The following ACTL6B variants were observed in gnomAD, a reference collection of about 807,000 sequenced individuals.
ACTL6B encodes the protein actin-like protein 6B.
In ACTL6B, 48 loss-of-function variants were observed where a neutral mutation model predicts 63.3. The ratio of observed to expected loss-of-function variants is 0.76; its 90% CI spans 0.60 to 0.96. ACTL6B has a LOEUF of 0.96. ACTL6B is among the 50% of genes least tolerant of loss of function. The pLI, the probability that ACTL6B is intolerant of heterozygous loss-of-function variation, is 0.00. For missense variants in ACTL6B, 350 were observed against 572.2 expected, an observed-to-expected ratio of 0.61 and a Z score of 3.96; for synonymous variants, 230 against 223.8, an observed-to-expected ratio of 1.03 and a Z score of -0.25.
chr7:100,653,686 AAACAACAAC>A (rs539842177), intron 4 of ACTL6B, among the ~76,000 whole-genome samples: 1 of 151,888 alleles, frequency 6.6e-6, no homozygotes, highest in African/African-American at 2.4e-5. Flanking sequence ...ACAAAACCCC[AAACAACAAC>A]AACAACAACA....
chr7:100,643,546 T>C (rs1409959542), intron 13 of ACTL6B, among the ~76,000 whole-genome samples: 2 of 152,220 alleles, frequency 1.3e-5, no homozygotes, highest in Non-Finnish European at 2.9e-5. Context: ...ATTCATTCAT[T>C]CAACAAGTAT....
At chr7:100,649,002 T>A (rs1317252551) in intron 5 of ACTL6B, among the ~76,000 whole-genome samples, 179 bp from the exon 6 acceptor site, 1 of 151,570 alleles carries the variant, frequency 6.6e-6, no homozygotes, top group Non-Finnish European at 1.5e-5. Context: ...TACTTCTTTT[T>A]TTTTTTTTTT....
chr7:100,648,708 C>G lies in ACTL6B; in HGVS notation c.562+21G>C. 1 of 1,613,888 alleles carries G rather than the reference C, an allele frequency of 6.2e-7. No individual in the cohort carries two copies. Among genetic ancestry groups the G allele is most frequent in the Non-Finnish European group, 8.5e-7 (1 of 1,179,926 alleles). The stretch of plus-strand genomic sequence containing the variant: ...GGACCTGGTCCTCCTGGAGCACCCC[C>G]ACCCCCTGCCGAAGCCCCACCTTGC... On this transcript the variant is annotated intron_variant, in intron 6 of 13. Transcript: ENST00000160382. The surrounding 1 kb of genome is among the most constrained non-coding windows in gnomAD (Gnocchi z 4.4).
Position 100,655,709 on chromosome 7 carries a change from GCTT to G in ACTL6B, c.102+91_102+93del. On this transcript the variant is annotated intron_variant, in intron 2 of 13. Coordinates refer to ENST00000160382, the MANE Select transcript of ACTL6B (RefSeq NM_016188.5). This position sits in a 1 kb window ranked among gnomAD's most constrained non-coding sequence, Gnocchi z 4.4. ...TATTCCCATATTCCCGCTCAGCAGA[GCTT>G]CTGGGCGATCTGGGAGAGCCCTGGG... 1.3e-6 allele frequency: 2 copies of G among 1,511,702 alleles called. No individual in the cohort carries two copies. The highest frequency in any genetic ancestry group is 1.8e-6 in the Non-Finnish European group (2 of 1,123,908). 93.6% of individuals were successfully genotyped at this position (1,511,702 alleles called of 1,614,324 possible).
At chr7:100,643,888 T>C (rs1053637855) in intron 13 of ACTL6B, among the ~76,000 whole-genome samples, 1 of 152,100 alleles carries the variant, frequency 6.6e-6, no homozygotes, top group African/African-American at 2.4e-5. Flanking sequence ...ATTTTAATTT[T>C]AATTATTTTT....
At chr7:100,650,242 C>T in intron 4 of ACTL6B, 107 bp from the exon 5 acceptor site, 1 of 846,858 alleles carries the variant, frequency 1.2e-6, no homozygotes, top group South Asian at 1.5e-5. Flanking sequence ...GTCACACACA[C>T]ACATCCAAAC....
chr7:100,655,997 C>T lies in ACTL6B; in HGVS notation c.26-118G>A. ...GCCACTTTCAACACCAGTCTGGGGC[C>T]GGTGGGAGCTGGGCCTGGAGTCCGA... On this transcript the variant is annotated intron_variant, in intron 1 of 13. Coordinates refer to ENST00000160382, the MANE Select transcript of ACTL6B (RefSeq NM_016188.5). This position sits in a 1 kb window ranked among gnomAD's most constrained non-coding sequence, Gnocchi z 4.4. 1 of 1,068,222 alleles carries T rather than the reference C, an allele frequency of 9.4e-7. No individual in the cohort carries two copies. Among genetic ancestry groups the T allele is most frequent in the Non-Finnish European group, 1.3e-6 (1 of 752,240 alleles). 66.2% of individuals were successfully genotyped at this position (1,068,222 alleles called of 1,614,324 possible).
rs756109218 is a variant in ACTL6B, at chr7:100,646,335, T to C, written c.1114A>G (p.Ser372Gly). The C allele has an allele frequency of 6.2e-7, 1 of 1,613,630 alleles. No individual in the cohort carries two copies. The highest frequency in any genetic ancestry group is 8.5e-7 in the Non-Finnish European group (1 of 1,179,876). ...NRELSQKTPP[S>G]MRLKLIASNS... The stretch of plus-strand genomic sequence containing the variant: ...CTGGCAATGAGTTTCAGTCGCATGC[T>C]CTGGGGGTAAAAAGGGGCTGGGGGA... Residue 372 changes from serine (S) to glycine (G), a missense_variant and splice_region_variant, in exon 13 of 14, where the codon AGC becomes GGC. Ser to Gly is a moderately conservative substitution (Grantham distance 56). Transcript: ENST00000160382. The surrounding 1 kb of genome is among the most constrained non-coding windows in gnomAD (Gnocchi z 6.1).
chr7:100,655,893 C>G lies in ACTL6B; in HGVS notation c.26-14G>C. 6.4e-7 allele frequency: 1 copy of G among 1,559,702 alleles called. No homozygotes were observed. ...CCCCCACCTCATCTGTGCGGGGAGA[C>G]AGGCCTGTAAGGGGACCTCCCCCGA... On this transcript the variant is annotated splice_polypyrimidine_tract_variant and intron_variant, in intron 1 of 13. Transcript: ENST00000160382. The surrounding 1 kb of genome is among the most constrained non-coding windows in gnomAD (Gnocchi z 4.4).
In ACTL6B at chr7:100,656,375, C is replaced by A; in HGVS notation, c.-21G>T. The A allele has an allele frequency of 7.5e-7, 1 of 1,328,742 alleles. No individual in the cohort carries two copies. Among genetic ancestry groups the A allele is most frequent in the Non-Finnish European group, 9.7e-7 (1 of 1,034,754 alleles). 82.3% of individuals were successfully genotyped at this position (1,328,742 alleles called of 1,614,324 possible). Reference sequence around the variant, plus strand: ...CTCATAGTGCCCGCTGCGCTGCTAGCGGCCCGTGGGCGGTGGCGGGATCAG... The same window carrying A: ...CTCATAGTGCCCGCTGCGCTGCTAGAGGCCCGTGGGCGGTGGCGGGATCAG... On this transcript the variant is annotated 5_prime_UTR_variant, in exon 1 of 14. Transcript: ENST00000160382.
chr7:100,647,264 C>A lies in ACTL6B; in HGVS notation c.780G>T (p.Gln260His). Residue 260 changes from glutamine to histidine, a missense_variant, in exon 9 of 14, where the codon CAG becomes CAT. This residue lies in a region of ACTL6B where 250 missense variants were observed against 364.7 expected (regional missense o/e 0.69). Transcript: ENST00000160382. The surrounding 1 kb of genome is among the most constrained non-coding windows in gnomAD (Gnocchi z 4.4). ...YMCNEVIQDF[Q>H]ASVLQVSDSP... ...AGTCTGAGACCTGCAGCACGGAGGC[C>A]TGGAAGTCCTGGATCACCTCCTGAA... 1 of 1,613,454 alleles carries A rather than the reference C, an allele frequency of 6.2e-7. No individual in the cohort carries two copies. Among genetic ancestry groups the A allele is most frequent in the Non-Finnish European group, 8.5e-7 (1 of 1,179,956 alleles).
In ACTL6B at chr7:100,655,767, GC is replaced by G; in HGVS notation, c.102+35del. On this transcript the variant is annotated intron_variant, in intron 2 of 13. Transcript: ENST00000160382. The surrounding 1 kb of genome is among the most constrained non-coding windows in gnomAD (Gnocchi z 4.4). ...TGGAAAGCCTGAAGAAGGGTCCGAA[GC>G]CCCTAGGATTTGGAGAGGAGACTGG... 1 of 1,550,126 alleles carries G rather than the reference GC, an allele frequency of 6.5e-7. No individual in the cohort carries two copies. The highest frequency in any genetic ancestry group is 8.7e-7 in the Non-Finnish European group (1 of 1,146,106).
chr7:100,649,955 C>A (rs1803903722), intron 5 of ACTL6B, 83 bp downstream of exon 5: 2 of 1,279,686 alleles, frequency 1.6e-6, no homozygotes, highest in Non-Finnish European at 2.2e-6. Flanking sequence ...CCAGGCCTGA[C>A]CCTCCAGCTC....
At chr7:100,644,970 C>A (rs1162607466) in intron 13 of ACTL6B, among the ~76,000 whole-genome samples, 1 of 152,126 alleles carries the variant, frequency 6.6e-6, no homozygotes, top group Non-Finnish European at 1.5e-5. Context: ...GCAGAAGAAT[C>A]GCTTGAACCC....
At chr7:100,653,770 AG>A (rs2131338268) in intron 4 of ACTL6B, among the ~76,000 whole-genome samples, 1 of 152,282 alleles carries the variant, frequency 6.6e-6, no homozygotes, top group South Asian at 2.1e-4. Context: ...GGGGAGGAAA[AG>A]AGAGCTAAGC....
In ACTL6B at chr7:100,655,458, A is replaced by G; in HGVS notation, c.231T>C (p.Asp77=). 6.8e-6 allele frequency: 11 copies of G among 1,614,108 alleles called. No individual in the cohort carries two copies. Among genetic ancestry groups the G allele is most frequent in the Non-Finnish European group, 9.3e-6 (11 of 1,180,010 alleles). Residue 77 remains aspartate, a synonymous_variant, in exon 3 of 14, where the codon GAT becomes GAC. Coordinates refer to ENST00000160382, the MANE Select transcript of ACTL6B (RefSeq NM_016188.5). This position sits in a 1 kb window ranked among gnomAD's most constrained non-coding sequence, Gnocchi z 4.4. ...IDTNALHVPR[D]GAEVMSPLKN... Reference sequence around the variant, plus strand: ...TGAGGGGCGACATGACCTCCGCTCCATCCCGAGGCACGTGCAGGGCATTGG... The same window carrying G: ...TGAGGGGCGACATGACCTCCGCTCCGTCCCGAGGCACGTGCAGGGCATTGG...
intron 13 of ACTL6B, among the ~76,000 whole-genome samples, chr7:100,643,788 C>T (rs1310812518): frequency 6.6e-6 from 1 of 152,232 alleles, no homozygotes; most frequent in African/African-American, 2.4e-5. Flanking sequence ...CACTGTGGCA[C>T]CCCATCTGCA....
At chr7:100,653,015 A>T (rs2131337789) in intron 4 of ACTL6B, among the ~76,000 whole-genome samples, 1 of 114,982 alleles carries the variant, frequency 8.7e-6, no homozygotes, top group Middle Eastern at 5.1e-3. Context: ...AAAAAAAAAA[A>T]AAAAAAAAAA....
intron 13 of ACTL6B, among the ~76,000 whole-genome samples, chr7:100,645,634 C>G (rs902446843): frequency 3.4e-5 from 5 of 149,180 alleles, no homozygotes; most frequent in Non-Finnish European, 7.4e-5. Flanking sequence ...TCCCTCTACT[C>G]CCAATTTTTT....
Sources: gnomAD v4.1 joint callset for allele counts (sites outside exome capture counted in the v4.1 genomes callset) on GRCh38, gnomAD v4.1.1 for gene constraint, gnomAD v4.1.1 regional missense constraint, Gnocchi (gnomAD v3.1) non-coding constraint, MANE v1.5 for transcripts, NCBI Gene and HGNC (gene_info 2026-07-23, HGNC 2026-07-21) for gene names.